The following POLQ variants were observed in gnomAD, a reference collection of about 807,000 sequenced individuals.
POLQ encodes the protein DNA polymerase theta, also known as epididymis secretory sperm binding protein.
POLQ carries 233 observed loss-of-function variants against 259.2 expected under a neutral mutation model. The ratio of observed to expected loss-of-function variants is 0.90; its 90% CI spans 0.81 to 1.00. POLQ has a LOEUF of 1.00. POLQ is among the 50% of genes least tolerant of loss of function. The pLI is 0.00. For missense variants in POLQ, 2,871 were observed against 3,051.6 expected, an observed-to-expected ratio of 0.94 and a Z score of 1.39; for synonymous variants, 1,025 against 1,048.8, an observed-to-expected ratio of 0.98 and a Z score of 0.44.
intron 22 of POLQ, among the ~76,000 whole-genome samples, chr3:121,470,887 G>A (rs2047878597): frequency 6.6e-6 from 1 of 152,086 alleles, no homozygotes; most frequent in South Asian, 2.1e-4. Context: ...CTCCCATCTT[G>A]GCCTCCCAAA....
intron 22 of POLQ, among the ~76,000 whole-genome samples, chr3:121,469,244 T>C (rs1309247174): frequency 1.3e-5 from 2 of 152,140 alleles, no homozygotes; most frequent in Non-Finnish European, 2.9e-5. Context: ...TTTTACATCT[T>C]TTGTTTACTT....
rs2048026056 is a variant in POLQ at position 121,487,817 on chromosome 3, A to ATC, written c.5112_5113dup (p.Ile1705ArgfsTer5). The ATC allele has an allele frequency of 6.2e-7, 1 of 1,609,618 alleles. No individual in the cohort carries two copies. Among genetic ancestry groups the ATC allele is most frequent in the East Asian group, 2.2e-5 (1 of 44,846 alleles). On this transcript the variant is annotated frameshift_variant, in exon 16 of 30. Transcript: ENST00000264233. LOFTEE classifies it high-confidence loss of function. ...ATTGGCATTGTTTTCTAGCATCTCA[A>ATC]TCTTGCTTTTTACTTCATTATTAGA...
At chr3:121,523,940 T>C (rs926938243) in intron 7 of POLQ, among the ~76,000 whole-genome samples, 1 of 152,052 alleles carries the variant, frequency 6.6e-6, no homozygotes, top group Non-Finnish European at 1.5e-5. Context: ...ACCTTACCTA[T>C]CAATATTTTT....
intron 26 of POLQ, among the ~76,000 whole-genome samples, chr3:121,440,480 A>G (rs1019346716): frequency 2.6e-5 from 4 of 151,970 alleles, no homozygotes; most frequent in African/African-American, 9.7e-5. Flanking sequence ...GACTACAGGC[A>G]CCGCGTCACG....
chr3:121,522,413 G>C (rs374020007), intron 7 of POLQ, among the ~76,000 whole-genome samples: 1 of 142,564 alleles, frequency 7.0e-6, no homozygotes, highest in East Asian at 2.2e-4. Flanking sequence ...CCGGGTTCAC[G>C]CCATTCTCCT....
At chr3:121,438,199 T>A (rs1022178865) in intron 27 of POLQ, among the ~76,000 whole-genome samples, 2 of 152,224 alleles carry the variant, frequency 1.3e-5, no homozygotes, top group Non-Finnish European at 2.9e-5. Flanking sequence ...CTGTGTTTAC[T>A]CTATTCCTAA....
chr3:121,525,094 C>T (rs143906934), intron 7 of POLQ, among the ~76,000 whole-genome samples: 4 of 152,254 alleles, frequency 2.6e-5, no homozygotes, highest in African/African-American at 9.6e-5. Context: ...GTAATCCCAG[C>T]ACTTTGGGAG....
In POLQ at chr3:121,486,690, C is replaced by G. The variant is rs553770819; in HGVS notation, c.5629+612G>C. On this transcript the variant is annotated intron_variant, in intron 16 of 29. Transcript: ENST00000264233. ...ACCACCCTGGACAACATGGTGAAACCCTATCTCTACTAAAAATACAAAAAT... is the reference window on the plus strand; with the variant it reads ...ACCACCCTGGACAACATGGTGAAACGCTATCTCTACTAAAAATACAAAAAT... 4.6e-5 allele frequency among the ~76,000 whole-genome samples: 7 copies of G among 151,844 alleles called. No individual in the cohort carries two copies. The East Asian group carries it at 1.4e-3, about 29-fold the overall frequency.
intron 12 of POLQ, among the ~76,000 whole-genome samples, chr3:121,505,181 T>C (rs2048199485): frequency 6.6e-6 from 1 of 152,216 alleles, no homozygotes; most frequent in African/African-American, 2.4e-5. Context: ...CCTCTTGCTC[T>C]GGCCATATAA....
chr3:121,455,242 G>A (rs1403935527), intron 25 of POLQ, among the ~76,000 whole-genome samples: 9 of 144,858 alleles, frequency 6.2e-5, no homozygotes, highest in Non-Finnish European at 1.2e-4. Flanking sequence ...AGTGTGTAGA[G>A]GGAAATTTAT....
chr3:121,456,327 C>T (rs2047737032), intron 25 of POLQ, among the ~76,000 whole-genome samples: 2 of 151,932 alleles, frequency 1.3e-5, no homozygotes, highest in African/African-American at 4.8e-5. Flanking sequence ...TGGCACAAGA[C>T]AGGGATGCCC....
intron 9 of POLQ, 102 bp downstream of exon 9, chr3:121,519,769 G>T: frequency 4.3e-6 from 3 of 696,644 alleles, no homozygotes; most frequent in Non-Finnish European, 7.9e-6. Flanking sequence ...GGATAATAAA[G>T]AAATACAGCA....
chr3:121,509,384 C>T lies in POLQ; in HGVS notation c.1959+177G>A, dbSNP rs1193946769. 2.0e-5 allele frequency among the ~76,000 whole-genome samples: 3 copies of T among 152,248 alleles called. No homozygotes were observed. In the East Asian group the frequency reaches 5.8e-4, roughly 29 times the overall value. On this transcript the variant is annotated intron_variant, in intron 12 of 29. Transcript: ENST00000264233. Reference sequence around the variant, plus strand: ...AAAATAAATTTAAAGGTAACTAGAACATTTAGATTATTACTTTAAAACAAT... The same window carrying T: ...AAAATAAATTTAAAGGTAACTAGAATATTTAGATTATTACTTTAAAACAAT...
chr3:121,538,743 A>G (rs1358339496), intron 4 of POLQ, among the ~76,000 whole-genome samples: 1 of 151,928 alleles, frequency 6.6e-6, no homozygotes, highest in African/African-American at 2.4e-5. Flanking sequence ...ATCAATTGCA[A>G]TTTCTCTCTC....
At chr3:121,480,610 T>G (rs1001991492) in intron 19 of POLQ, among the ~76,000 whole-genome samples, 1 of 151,886 alleles carries the variant, frequency 6.6e-6, no homozygotes, top group African/African-American at 2.4e-5. Context: ...CAGGAACCAC[T>G]GAGCCAGCCT....
chr3:121,516,138 TAGAC>T (rs1436550974), intron 9 of POLQ, among the ~76,000 whole-genome samples: 5 of 151,942 alleles, frequency 3.3e-5, no homozygotes, highest in Admixed American at 2.0e-4. Flanking sequence ...ATGTTTCAGT[TAGAC>T]AGGAAGAATA....
At chr3:121,471,151 T>G (rs1029597150) in intron 22 of POLQ, among the ~76,000 whole-genome samples, 1 of 152,200 alleles carries the variant, frequency 6.6e-6, no homozygotes, top group Non-Finnish European at 1.5e-5. Context: ...AGTTTTGTAC[T>G]GCCTAGAGAA....
intron 25 of POLQ, among the ~76,000 whole-genome samples, chr3:121,457,705 GAATGGC>G (rs1226117593): frequency 6.6e-6 from 1 of 152,216 alleles, no homozygotes; most frequent in Non-Finnish European, 1.5e-5. Flanking sequence ...ATACCAGTTA[GAATGGC>G]AATCATTAAA....
At chr3:121,520,324 T>G (rs1459247220) in intron 8 of POLQ, among the ~76,000 whole-genome samples, 1 of 151,988 alleles carries the variant, frequency 6.6e-6, no homozygotes, top group Non-Finnish European at 1.5e-5. Context: ...TCGCTTGAGG[T>G]CAGGAGTTCG....
Sources: gnomAD v4.1 joint callset for allele counts (sites outside exome capture counted in the v4.1 genomes callset) on GRCh38, gnomAD v4.1.1 for gene constraint, MANE v1.5 for transcripts, NCBI Gene and HGNC (gene_info 2026-07-23, HGNC 2026-07-21) for gene names.